PAK5: variants seen among roughly 807,000 people sequenced by gnomAD.
PAK5 encodes serine/threonine-protein kinase PAK 5.
A neutral mutation model predicts 65.9 loss-of-function variants in PAK5; 16 were observed. That is an observed-to-expected ratio of 0.24 (90% confidence interval 0.16 to 0.37). The LOEUF (loss-of-function observed/expected upper bound fraction) is 0.37, where lower values mean the gene tolerates loss of function less well. Among genes scored for constraint, PAK5 ranks in the 10% least tolerant of loss-of-function variants. The probability of loss-of-function intolerance (pLI) is 1.00; values close to 1 mark genes in which losing one functional copy is unlikely to be tolerated. For synonymous variants in PAK5, 371 were observed against 354.9 expected (o/e 1.05, Z -0.51); for missense variants, 785 against 903.9 (o/e 0.87, Z 1.69).
intron 2 of PAK5, among the ~76,000 whole-genome samples, chr20:9,694,026 A>T (rs905695205): frequency 6.6e-6 from 1 of 152,014 alleles, no homozygotes; most frequent in Admixed American, 6.6e-5. Context: ...AAGTTGAATC[A>T]CATAAGATCT....
chr20:9,682,060 G>C (rs2047656840), intron 2 of PAK5, among the ~76,000 whole-genome samples: 2 of 152,144 alleles, frequency 1.3e-5, no homozygotes, highest in Admixed American at 6.5e-5. Flanking sequence ...ACAGGTACTA[G>C]AAAGCTACTA....
chr20:9,828,297 C>A (rs1026058473), intron 1 of PAK5, among the ~76,000 whole-genome samples: 1 of 152,172 alleles, frequency 6.6e-6, no homozygotes, highest in Admixed American at 6.5e-5. Context: ...AACTATTATT[C>A]AAATATTATT....
At chr20:9,812,297 A>G (rs1055294895) in intron 1 of PAK5, among the ~76,000 whole-genome samples, 1 of 152,182 alleles carries the variant, frequency 6.6e-6, no homozygotes, top group African/African-American at 2.4e-5. Flanking sequence ...ACAAAAAAAA[A>G]ACGATGTTTA....
chr20:9,694,976 T>A (rs1261653757), intron 2 of PAK5, among the ~76,000 whole-genome samples: 2 of 152,060 alleles, frequency 1.3e-5, no homozygotes, highest in African/African-American at 4.8e-5. Context: ...AGTGTTCCAG[T>A]CAGCTTTCCA....
intron 1 of PAK5, among the ~76,000 whole-genome samples, chr20:9,728,960 T>C (rs1012293765): frequency 6.6e-6 from 1 of 152,158 alleles, no homozygotes; most frequent in Non-Finnish European, 1.5e-5. Context: ...AATTCCAATT[T>C]TGGGTAATTG....
chr20:9,622,706 TG>T (rs2046787644), intron 3 of PAK5, among the ~76,000 whole-genome samples: 1 of 152,154 alleles, frequency 6.6e-6, no homozygotes, highest in African/African-American at 2.4e-5. Context: ...GAACCAAGCA[TG>T]TGAGGGATCT....
chr20:9,648,411 G>T (rs1440231807), intron 2 of PAK5, among the ~76,000 whole-genome samples: 3 of 152,042 alleles, frequency 2.0e-5, no homozygotes, highest in Non-Finnish European at 4.4e-5. Context: ...GGTCACATAG[G>T]CACCCCTTGC....
intron 3 of PAK5, among the ~76,000 whole-genome samples, chr20:9,582,895 G>C (rs1158346004): frequency 1.3e-5 from 2 of 151,984 alleles, no homozygotes; most frequent in Non-Finnish European, 2.9e-5. Context: ...TTTGTCACTG[G>C]GAGTTCTCTC....
chr20:9,747,806 A>G (rs1225531632), intron 1 of PAK5, among the ~76,000 whole-genome samples: 1 of 150,510 alleles, frequency 6.6e-6, no homozygotes, highest in Non-Finnish European at 1.5e-5. Context: ...CACCACTCCT[A>G]TTCAACATAG....
At chr20:9,643,045 C>T (rs1217954979) in intron 3 of PAK5, among the ~76,000 whole-genome samples, 2 of 152,204 alleles carry the variant, frequency 1.3e-5, no homozygotes, top group African/African-American at 4.8e-5. Flanking sequence ...AATGTATCAG[C>T]TGTTCTCTTT....
chr20:9,713,487 A>G (rs1299419403), intron 1 of PAK5, among the ~76,000 whole-genome samples: 3 of 152,182 alleles, frequency 2.0e-5, no homozygotes, highest in Non-Finnish European at 2.9e-5. Context: ...TAGAACTACC[A>G]TACAATCCAG....
chr20:9,660,477 G>T (rs746683723), intron 2 of PAK5, among the ~76,000 whole-genome samples: 4 of 151,586 alleles, frequency 2.6e-5, no homozygotes, highest in Non-Finnish European at 5.9e-5. Flanking sequence ...ACCCTTATGG[G>T]GCTCTCATGA....
chr20:9,700,058 G>T (rs2047920379), intron 2 of PAK5, among the ~76,000 whole-genome samples: 1 of 151,998 alleles, frequency 6.6e-6, no homozygotes, highest in African/African-American at 2.4e-5. Flanking sequence ...ATACATTTTT[G>T]GGGAGTCCAG....
chr20:9,581,585 T>TA (rs2045981262), intron 3 of PAK5, among the ~76,000 whole-genome samples: 1 of 152,204 alleles, frequency 6.6e-6, no homozygotes, highest in African/African-American at 2.4e-5. Flanking sequence ...TATATATACT[T>TA]ATACTATACT....
intron 1 of PAK5, among the ~76,000 whole-genome samples, chr20:9,721,336 G>T (rs1419430265): frequency 6.6e-6 from 1 of 151,950 alleles, no homozygotes; most frequent in Non-Finnish European, 1.5e-5. Flanking sequence ...CTCCCTGAAG[G>T]CTCCACAGCT....
intron 2 of PAK5, among the ~76,000 whole-genome samples, chr20:9,705,446 G>A (rs534839285): frequency 6.6e-5 from 10 of 152,238 alleles, no homozygotes; most frequent in Non-Finnish European, 1.5e-4. Flanking sequence ...TGTTCAAAGG[G>A]AATAGTCATA....
intron 1 of PAK5, among the ~76,000 whole-genome samples, chr20:9,763,866 A>G (rs1339222572): frequency 6.6e-6 from 1 of 152,174 alleles, no homozygotes; most frequent in Non-Finnish European, 1.5e-5. Context: ...AATTACACAT[A>G]TACTTAAACA....
At chr20:9,722,207 C>G (rs1270765689) in intron 1 of PAK5, among the ~76,000 whole-genome samples, 1 of 151,962 alleles carries the variant, frequency 6.6e-6, no homozygotes, top group Non-Finnish European at 1.5e-5. Context: ...TTAGCATGTA[C>G]AAAATGTCAT....
intron 2 of PAK5, among the ~76,000 whole-genome samples, chr20:9,646,103 T>C (rs1010133013): frequency 2.2e-4 from 33 of 152,232 alleles, no homozygotes; most frequent in African/African-American, 8.0e-4. Context: ...GAACAGCACA[T>C]TTATTCAGTA....
Sources: allele counts gnomAD v4.1 joint callset (sites outside exome capture counted in the v4.1 genomes callset), GRCh38; gene constraint gnomAD v4.1.1; transcripts MANE v1.5; gene names NCBI Gene and HGNC (gene_info 2026-07-23, HGNC 2026-07-21).